Variants in FRMPD4 observed in about 807,000 individuals in gnomAD.
FRMPD4 encodes FERM and PDZ domain-containing protein 4.
FRMPD4 carries 22 observed loss-of-function variants against 94.1 expected under a neutral mutation model. The ratio of observed to expected loss-of-function variants is 0.23; its 90% CI spans 0.17 to 0.33. The LOEUF (loss-of-function observed/expected upper bound fraction) is 0.33. Among genes scored for constraint, FRMPD4 ranks in the 10% least tolerant of loss-of-function variants. FRMPD4 has a pLI of 1.00. For missense variants in FRMPD4, 1,111 were observed against 1,339.9 expected, an observed-to-expected ratio of 0.83 and a Z score of 2.67; for synonymous variants, 631 against 548.6, an observed-to-expected ratio of 1.15 and a Z score of -2.10.
chrX:12,028,527 G>A (rs190896075), intron 3 of FRMPD4, among the ~76,000 whole-genome samples: 11 of 109,810 alleles, frequency 1.0e-4, no homozygotes, highest in East Asian at 2.9e-4. Context: ...GTTCATTCTC[G>A]GTGTTGTACA....
chrX:12,358,322 T>C (rs1018658636), intron 1 of FRMPD4, among the ~76,000 whole-genome samples: 2 of 111,537 alleles, frequency 1.8e-5, no homozygotes, highest in African/African-American at 6.5e-5. Context: ...CCAGTAGATA[T>C]GTCTCCTATC....
intron 1 of FRMPD4, among the ~76,000 whole-genome samples, chrX:11,842,952 C>T (rs1417724942): frequency 9.0e-6 from 1 of 111,455 alleles, no homozygotes; most frequent in East Asian, 2.8e-4. Context: ...AGGCCTTTGA[C>T]GAAATTCAAC....
intron 2 of FRMPD4, among the ~76,000 whole-genome samples, chrX:11,876,576 G>A (rs1420737089): frequency 1.8e-5 from 2 of 112,009 alleles, no homozygotes; most frequent in East Asian, 5.6e-4. Flanking sequence ...GGAGAAGTGA[G>A]CATATTCCAA....
chrX:12,105,197 G>A (rs1452760880), intron 3 of FRMPD4, among the ~76,000 whole-genome samples: 1 of 111,691 alleles, frequency 9.0e-6, no homozygotes, highest in Non-Finnish European at 1.9e-5. Flanking sequence ...CTCCACTTTC[G>A]TTGATTGAGA....
At chrX:12,630,775 T>C (rs1029138414) in intron 4 of FRMPD4, among the ~76,000 whole-genome samples, 1 of 111,808 alleles carries the variant, frequency 8.9e-6, no homozygotes, top group East Asian at 2.8e-4. Flanking sequence ...TGCAAACTTG[T>C]CTTTCTTTGT....
At chrX:12,346,847 A>G (rs1380999054) in intron 1 of FRMPD4, among the ~76,000 whole-genome samples, 1 of 112,518 alleles carries the variant, frequency 8.9e-6, no homozygotes, top group East Asian at 2.8e-4. Context: ...AGACATTTTT[A>G]CTAATTCATA....
chrX:11,838,902 T>C (rs1348023501), intron 1 of FRMPD4, among the ~76,000 whole-genome samples: 1 of 111,856 alleles, frequency 8.9e-6, no homozygotes, highest in Non-Finnish European at 1.9e-5. Flanking sequence ...ATATTTAGGT[T>C]ATTTAATTTT....
chrX:12,143,151 T>C (rs2055714951), intron 1 of FRMPD4, among the ~76,000 whole-genome samples: 1 of 112,103 alleles, frequency 8.9e-6, no homozygotes, highest in Non-Finnish European at 1.9e-5. Context: ...CATACCGTCC[T>C]GAAATCTACC....
intron 1 of FRMPD4, among the ~76,000 whole-genome samples, chrX:12,150,282 C>A (rs1043387204): frequency 2.7e-5 from 3 of 112,019 alleles, no homozygotes; most frequent in African/African-American, 9.7e-5. Context: ...ATGCCTGCTT[C>A]TGTACGTCAT....
intron 1 of FRMPD4, among the ~76,000 whole-genome samples, chrX:11,844,074 G>A (rs1417813251): frequency 3.1e-5 from 3 of 97,561 alleles, no homozygotes; most frequent in Admixed American, 2.5e-4. Context: ...TACAACCTCT[G>A]CCTCCCAAGT....
chrX:12,706,921 T>TTC lies in FRMPD4; in HGVS notation c.1287+8_1287+9dup, dbSNP rs1396861184. The TTC allele has an allele frequency of 1.1e-6, 1 of 948,461 alleles. No individual in the cohort carries two copies. Among genetic ancestry groups the TTC allele is most frequent in the African/African-American group, 2.2e-5 (1 of 45,625 alleles). 78.2% of individuals were successfully genotyped at this position (948,461 alleles called of 1,213,427 possible). A position where few individuals can be genotyped will look rare whatever the true frequency, so the allele number is the denominator to read the frequency against. On this transcript the variant is annotated splice_region_variant and intron_variant, in intron 12 of 16. Coordinates refer to ENST00000675598, the MANE Select transcript of FRMPD4 (RefSeq NM_001368397.1). ...TGTTCAAGGCAACATTAGTGGTAAT[T>TTC]TCTTTTTTTTTTTTTTTTTTGCTTT...
At chrX:12,456,983 C>T (rs1439030491) in intron 1 of FRMPD4, among the ~76,000 whole-genome samples, 1 of 112,100 alleles carries the variant, frequency 8.9e-6, no homozygotes, top group Non-Finnish European at 1.9e-5. Flanking sequence ...TGATTTTCCA[C>T]ATGCTCAGCT....
At chrX:12,468,907 A>G (rs1171809790) in intron 1 of FRMPD4, among the ~76,000 whole-genome samples, 1 of 112,511 alleles carries the variant, frequency 8.9e-6, no homozygotes, top group East Asian at 2.8e-4. Context: ...TTCACATTGT[A>G]CAGGGCACAT....
At chrX:12,334,358 A>C (rs762715971) in intron 1 of FRMPD4, among the ~76,000 whole-genome samples, 2 of 111,258 alleles carry the variant, frequency 1.8e-5, no homozygotes, top group East Asian at 5.7e-4. Context: ...CAGGCCATCT[A>C]TCTGGTGCTG....
intron 2 of FRMPD4, among the ~76,000 whole-genome samples, chrX:12,582,800 C>T (rs1179319887): frequency 8.9e-6 from 1 of 112,228 alleles, no homozygotes; most frequent in Admixed American, 9.5e-5. Context: ...GACACAGGTG[C>T]TGGCTGTTGG....
At chrX:12,297,548 G>A (rs761560092) in intron 1 of FRMPD4, among the ~76,000 whole-genome samples, 10 of 111,863 alleles carry the variant, frequency 8.9e-5, no homozygotes, top group African/African-American at 2.9e-4. Flanking sequence ...TTGTGGGAGA[G>A]ACAGGGAACT....
At position 12,138,886 on chromosome X, in the gene FRMPD4, C is replaced by A; in HGVS notation, c.-86C>A. Reference sequence around the variant, plus strand: ...ACTCGAGCCCCGGGCGCACTGAGGTCTTGGCCATGGGGCTGCGGAGGCTGC... The same window carrying A: ...ACTCGAGCCCCGGGCGCACTGAGGTATTGGCCATGGGGCTGCGGAGGCTGC... On this transcript the variant is annotated 5_prime_UTR_variant, in exon 1 of 17. Coordinates refer to ENST00000675598, the MANE Select transcript of FRMPD4 (RefSeq NM_001368397.1). The A allele has an allele frequency of 1.2e-6, 1 of 833,229 alleles. No homozygotes were observed. Among genetic ancestry groups the A allele is most frequent in the Non-Finnish European group, 1.6e-6 (1 of 610,523 alleles). The allele number at this position is 833,229 out of a possible 1,213,427, so 68.7% of individuals were successfully genotyped here.
At chrX:12,710,970 A>G (rs1200741597) in intron 14 of FRMPD4, among the ~76,000 whole-genome samples, 1 of 111,746 alleles carries the variant, frequency 8.9e-6, no homozygotes, top group Non-Finnish European at 1.9e-5. Flanking sequence ...AAAAAAATCA[A>G]ATGTCCAAAT....
At chrX:11,828,716 C>T (rs1038983280) in intron 1 of FRMPD4, among the ~76,000 whole-genome samples, 1 of 111,057 alleles carries the variant, frequency 9.0e-6, no homozygotes, top group Non-Finnish European at 1.9e-5. Context: ...AAAGCTGGAT[C>T]TTTATGCATG....
Sources: allele counts gnomAD v4.1 joint callset (sites outside exome capture counted in the v4.1 genomes callset), GRCh38; gene constraint gnomAD v4.1.1; transcripts MANE v1.5; gene names NCBI Gene and HGNC (gene_info 2026-07-23, HGNC 2026-07-21).